The following ERC2 variants were observed in gnomAD, a reference collection of about 807,000 sequenced individuals.
The protein encoded by ERC2 is ERC protein 2.
Under a neutral mutation model 114.8 loss-of-function variants are expected in ERC2, and 42 were observed. The ratio of observed to expected loss-of-function variants is 0.37; its 90% confidence interval spans 0.29 to 0.47. The LOEUF (loss-of-function observed/expected upper bound fraction) is 0.47. Ranked by LOEUF, ERC2 falls within the 20% of genes least tolerant of loss-of-function variation. The probability of loss-of-function intolerance (pLI) is 0.99; values close to 1 mark genes in which losing one functional copy is unlikely to be tolerated. For missense variants in ERC2, 939 were observed against 1,150.7 expected, an observed-to-expected ratio of 0.82 and a Z score of 2.66; for synonymous variants, 454 against 425.5, an observed-to-expected ratio of 1.07 and a Z score of -0.82.
At chr3:55,580,941 C>G (rs1241634879) in intron 17 of ERC2, among the ~76,000 whole-genome samples, 1 of 152,134 alleles carries the variant, frequency 6.6e-6, no homozygotes, top group Non-Finnish European at 1.5e-5. Flanking sequence ...TCTCATTGAG[C>G]AGATAATACT....
At chr3:55,884,064 T>C (rs6445755) in intron 14 of ERC2, among the ~76,000 whole-genome samples, 4 of 152,102 alleles carry the variant, frequency 2.6e-5, no homozygotes, top group African/African-American at 9.7e-5. Flanking sequence ...TGTTACCAAT[T>C]AGGGAAATGG....
chr3:56,204,476 C>CTTTTA (rs11267334), intron 3 of ERC2, among the ~76,000 whole-genome samples: 6,968 of 132,846 alleles, frequency 0.052, 273 homozygotes, highest in African/African-American at 0.093. Flanking sequence ...TAATTAGATG[C>CTTTTA]TTTTATTTTA....
intron 12 of ERC2, among the ~76,000 whole-genome samples, chr3:55,978,192 T>C (rs1052719028): frequency 6.6e-6 from 1 of 152,212 alleles, no homozygotes; most frequent in Non-Finnish European, 1.5e-5. Flanking sequence ...CAGATCTTTT[T>C]ATACATGAAT....
intron 4 of ERC2, among the ~76,000 whole-genome samples, chr3:56,154,150 T>C (rs1230339289): frequency 1.3e-5 from 2 of 152,096 alleles, no homozygotes; most frequent in East Asian, 3.9e-4. Flanking sequence ...GGCCCTGCCT[T>C]GGGAAGGATT....
intron 17 of ERC2, among the ~76,000 whole-genome samples, chr3:55,577,141 C>G (rs982685424): frequency 6.6e-6 from 1 of 152,196 alleles, no homozygotes; most frequent in African/African-American, 2.4e-5. Flanking sequence ...TCCCCTCCTG[C>G]TCTTAATTGC....
At chr3:55,809,846 G>A (rs2059647259) in intron 14 of ERC2, among the ~76,000 whole-genome samples, 1 of 152,114 alleles carries the variant, frequency 6.6e-6, no homozygotes, top group Non-Finnish European at 1.5e-5. Flanking sequence ...TGTATCAAGT[G>A]TTTTCAACAC....
At chr3:55,732,870 T>C (rs905137783) in intron 15 of ERC2, among the ~76,000 whole-genome samples, 1 of 152,132 alleles carries the variant, frequency 6.6e-6, no homozygotes, top group East Asian at 1.9e-4. Context: ...TGGTCTCAGT[T>C]TTTATGGCCA....
intron 2 of ERC2, among the ~76,000 whole-genome samples, chr3:56,395,038 CTAAG>C (rs2060256506): frequency 7.1e-6 from 1 of 140,828 alleles, no homozygotes; most frequent in Non-Finnish European, 1.6e-5. Context: ...AAACATCACA[CTAAG>C]TAAAAAAAAA....
chr3:55,590,578 G>A (rs917108918), intron 17 of ERC2, among the ~76,000 whole-genome samples: 6 of 152,110 alleles, frequency 3.9e-5, no homozygotes, highest in African/African-American at 7.2e-5. Context: ...AAAACTACAC[G>A]AACTGACCTG....
intron 4 of ERC2, among the ~76,000 whole-genome samples, chr3:56,151,861 A>G (rs1008243827): frequency 4.6e-5 from 7 of 152,200 alleles, no homozygotes; most frequent in African/African-American, 1.4e-4. Context: ...ATGAAGACAT[A>G]TGTTGTAACT....
chr3:55,925,223 G>A (rs545999869), intron 13 of ERC2, among the ~76,000 whole-genome samples: 2 of 152,142 alleles, frequency 1.3e-5, no homozygotes, highest in African/African-American at 4.8e-5. Context: ...ACAACGGAGG[G>A]CATTGAATGT....
At chr3:55,903,161 G>C (rs925729171) in intron 13 of ERC2, among the ~76,000 whole-genome samples, 19 of 152,210 alleles carry the variant, frequency 1.2e-4, no homozygotes, top group African/African-American at 4.6e-4. Flanking sequence ...TTTGGAAATA[G>C]ACATCTATGT....
chr3:55,740,869 T>C (rs2065928662), intron 14 of ERC2, among the ~76,000 whole-genome samples: 2 of 152,176 alleles, frequency 1.3e-5, no homozygotes, highest in Non-Finnish European at 2.9e-5. Flanking sequence ...TCCAAAATCC[T>C]AGATGCTTTG....
chr3:56,216,337 G>A (rs1272772933), intron 3 of ERC2, among the ~76,000 whole-genome samples: 1 of 152,024 alleles, frequency 6.6e-6, no homozygotes, highest in South Asian at 2.1e-4. Flanking sequence ...CAGAAATGCA[G>A]ACTACCATCA....
chr3:56,416,188 A>G (rs1017952234), intron 2 of ERC2, among the ~76,000 whole-genome samples: 1 of 152,138 alleles, frequency 6.6e-6, no homozygotes, highest in African/African-American at 2.4e-5. Context: ...TGTACCAAGC[A>G]GTCTTTTTAG....
At chr3:56,237,700 A>G (rs1238557322) in intron 3 of ERC2, among the ~76,000 whole-genome samples, 1 of 152,130 alleles carries the variant, frequency 6.6e-6, no homozygotes, top group Non-Finnish European at 1.5e-5. Context: ...AGTGATTCAC[A>G]CACCTGAATT....
At chr3:56,158,786 T>C in intron 4 of ERC2, among the ~76,000 whole-genome samples, 1 of 148,812 alleles carries the variant, frequency 6.7e-6, no homozygotes, top group Non-Finnish European at 1.5e-5. Context: ...TTTCTGATTA[T>C]GGCTTTTCTT....
At chr3:55,744,157 C>CT (rs2066156674) in intron 14 of ERC2, among the ~76,000 whole-genome samples, 1 of 152,148 alleles carries the variant, frequency 6.6e-6, no homozygotes, top group Non-Finnish European at 1.5e-5. Context: ...AATCCCAGCA[C>CT]TTTGGGAGGC....
chr3:55,825,586 A>T (rs2060293346), intron 14 of ERC2, among the ~76,000 whole-genome samples: 1 of 152,174 alleles, frequency 6.6e-6, no homozygotes, highest in East Asian at 1.9e-4. Context: ...AGATAATATC[A>T]TGGCTGTTTT....
Sources: allele counts gnomAD v4.1 joint callset (sites outside exome capture counted in the v4.1 genomes callset), GRCh38; gene constraint gnomAD v4.1.1; transcripts MANE v1.5; gene names NCBI Gene and HGNC (gene_info 2026-07-23, HGNC 2026-07-21).